Variants in SBK1 observed in about 807,000 individuals in gnomAD.
SBK1 encodes the protein SH3 domain binding kinase 1, also known as serine/threonine-protein kinase SBK1.
In SBK1, 11 loss-of-function variants were observed where a neutral mutation model predicts 24.4. The observed-to-expected ratio is 0.45, with a 90% CI of 0.28 to 0.75. The LOEUF is 0.75. Ranked by LOEUF, SBK1 falls within the 30% of genes least tolerant of loss-of-function variation. The probability of loss-of-function intolerance (pLI) is 0.12; values close to 1 mark genes in which losing one functional copy is unlikely to be tolerated. For synonymous variants in SBK1, 308 were observed against 284.4 expected (o/e 1.08, Z -0.83); for missense variants, 467 against 620.5 (o/e 0.75, Z 2.63).
chr16:28,291,959 T>C (rs1305191079), upstream of SBK1: 2 of 151,660 alleles, frequency 1.3e-5, no homozygotes, highest in Non-Finnish European at 2.9e-5. Flanking sequence ...TCGCTGGAAA[T>C]AGGATGCATG....
intron 1 of SBK1, among the ~76,000 whole-genome samples, chr16:28,295,141 T>C (rs1040176828): frequency 6.6e-6 from 1 of 152,114 alleles, no homozygotes; most frequent in African/African-American, 2.4e-5. Flanking sequence ...GAGCAGAAAT[T>C]TGAGTCACTG....
At chr16:28,261,545 C>T (rs8061278) in intron 1 of SBK1, among the ~76,000 whole-genome samples, 2,460 of 151,790 alleles carry the variant, frequency 0.016, 66 homozygotes, top group African/African-American at 0.057. Flanking sequence ...CAAGAGGATC[C>T]CTTGAGCCCA....
intron 1 of SBK1, among the ~76,000 whole-genome samples, chr16:28,306,660 A>C (rs1023286484): frequency 1.3e-4 from 20 of 152,284 alleles, no homozygotes; most frequent in Non-Finnish European, 4.4e-5. Context: ...CTAAATCAGG[A>C]GGTGGCACCT....
intron 1 of SBK1, among the ~76,000 whole-genome samples, chr16:28,313,042 A>G (rs997243047): frequency 6.6e-6 from 1 of 152,338 alleles, no homozygotes; most frequent in Admixed American, 6.5e-5. Context: ...AGGCAAAAGA[A>G]TCGCTTGAAC....
chr16:28,284,697 T>C (rs2044554633), intron 1 of SBK1, among the ~76,000 whole-genome samples: 1 of 152,230 alleles, frequency 6.6e-6, no homozygotes. Context: ...CCCAGGACTT[T>C]GGGAGGCCAT....
At chr16:28,293,389 C>T in intron 1 of SBK1, 89 bp downstream of exon 1, 1 of 654,522 alleles carries the variant, frequency 1.5e-6, no homozygotes, top group Non-Finnish European at 1.9e-6. Flanking sequence ...TCGGGTTGCG[C>T]GCTCCCCCTT....
intron 1 of SBK1, among the ~76,000 whole-genome samples, chr16:28,316,477 T>C (rs2044796973): frequency 6.6e-6 from 1 of 151,986 alleles, no homozygotes. Context: ...TCAGTACTTG[T>C]GAATAAGCTG....
chr16:28,270,165 G>A (rs1227999777), intron 1 of SBK1, among the ~76,000 whole-genome samples: 2 of 151,660 alleles, frequency 1.3e-5, no homozygotes, highest in Non-Finnish European at 2.9e-5. Flanking sequence ...AGGTTCAAGC[G>A]ATTCTCCTGC....
chr16:28,281,614 T>A (rs992945262), intron 1 of SBK1, among the ~76,000 whole-genome samples: 1 of 152,134 alleles, frequency 6.6e-6, no homozygotes, highest in Non-Finnish European at 1.5e-5. Context: ...CTGCGTGGGT[T>A]CAAGTCCCAG....
chr16:28,262,445 C>T (rs1399530082), intron 1 of SBK1, among the ~76,000 whole-genome samples: 5 of 151,838 alleles, frequency 3.3e-5, no homozygotes, highest in East Asian at 1.9e-4. Context: ...AGAAAGGCAA[C>T]GAAGGGGGGC....
intron 1 of SBK1, among the ~76,000 whole-genome samples, chr16:28,301,753 C>G (rs2044681432): frequency 6.6e-6 from 1 of 152,174 alleles, no homozygotes; most frequent in Non-Finnish European, 1.5e-5. Flanking sequence ...GGTCCAGGCC[C>G]CTCTGACCAG....
At chr16:28,266,733 CTTTTTTTT>C (rs376731367) in intron 1 of SBK1, among the ~76,000 whole-genome samples, 1 of 137,660 alleles carries the variant, frequency 7.3e-6, no homozygotes, top group Non-Finnish European at 1.6e-5. Context: ...TTTTTCTTTT[CTTTTTTTT>C]TTTTTTTAAA....
At chr16:28,293,868 A>T (rs1048605915) in intron 1 of SBK1, among the ~76,000 whole-genome samples, 3 of 152,154 alleles carry the variant, frequency 2.0e-5, no homozygotes, top group Admixed American at 6.5e-5. Flanking sequence ...CCCAGGCCAC[A>T]CTGGCGGTCT....
chr16:28,296,116 A>G (rs1330777638), intron 1 of SBK1, among the ~76,000 whole-genome samples: 1 of 135,944 alleles, frequency 7.4e-6, no homozygotes, highest in African/African-American at 2.8e-5. Context: ...TTTTTTTTAG[A>G]CAGAGTCTCG....
intron 1 of SBK1, among the ~76,000 whole-genome samples, chr16:28,309,093 TC>T (rs1319516307): frequency 6.6e-6 from 1 of 152,112 alleles, no homozygotes; most frequent in African/African-American, 2.4e-5. Flanking sequence ...CGGGCAATCC[TC>T]CACAGCAGGA....
At position 28,309,009 on chromosome 16, in the gene SBK1, G is replaced by A. The variant is rs567157729; in HGVS notation, c.-7-8376G>A. ...TTGAATTGGGGTAGTGCCAGCTGCT[G>A]TAACAAACAAGCCCCCATATCCCAG... is the stretch of plus-strand genomic sequence containing the variant. On this transcript the variant is annotated intron_variant, in intron 1 of 3. Transcript: ENST00000341901. Among the ~76,000 whole-genome samples the A allele has an allele frequency of 3.3e-5, 5 of 152,180 alleles. No individual in the cohort carries two copies. In the East Asian group the frequency reaches 7.7e-4, roughly 24 times the overall value.
chr16:28,322,903 T>TCG lies in SBK1; in HGVS notation c.*1983_*1984insGC, dbSNP rs1255111363. ...AGTAGACGTCCCTTGCCGTGCTCGCTCTCTCTCTCGCGCGCGCTCTCTCTC... is the reference window on the plus strand; with the variant it reads ...AGTAGACGTCCCTTGCCGTGCTCGCTCGCTCTCTCTCGCGCGCGCTCTCTCTC... On this transcript the variant is annotated 3_prime_UTR_variant, in exon 4 of 4. Transcript: ENST00000341901. 1.7e-4 allele frequency: 19 copies of TCG among 113,034 alleles called. No individual in the cohort carries two copies. The highest frequency in any genetic ancestry group is 9.3e-3 in the Middle Eastern group (2 of 214). The allele number at this position is 113,034 out of a possible 1,614,324, so 7.0% of individuals were successfully genotyped here. A position where few individuals can be genotyped will look rare whatever the true frequency, so the allele number is the denominator to read the frequency against.
intron 1 of SBK1, among the ~76,000 whole-genome samples, chr16:28,270,552 G>A (rs1162066570): frequency 1.3e-5 from 2 of 151,398 alleles, no homozygotes. Flanking sequence ...GAGCCTCCTG[G>A]GTACCTGGGA....
intron 2 of SBK1, among the ~76,000 whole-genome samples, chr16:28,318,365 ACTTG>A (rs891768518): frequency 1.3e-5 from 2 of 152,224 alleles, no homozygotes; most frequent in African/African-American, 4.8e-5. Context: ...GAGCTTTGTT[ACTTG>A]CTTGCTGTGT....
Sources: gnomAD v4.1 joint callset for allele counts (sites outside exome capture counted in the v4.1 genomes callset) on GRCh38, gnomAD v4.1.1 for gene constraint, MANE v1.5 for transcripts, NCBI Gene and HGNC (gene_info 2026-07-23, HGNC 2026-07-21) for gene names.